Variants in WDR59 observed in about 807,000 individuals in gnomAD.
WDR59 encodes the protein GATOR2 complex protein WDR59.
A neutral mutation model predicts 131.2 loss-of-function variants in WDR59; 100 were observed. The ratio of observed to expected loss-of-function variants is 0.76; its 90% confidence interval spans 0.65 to 0.90. WDR59 has a LOEUF of 0.90. WDR59 is among the 40% of genes least tolerant of loss of function. The probability of loss-of-function intolerance (pLI) is 0.00; values close to 1 mark genes in which losing one functional copy is unlikely to be tolerated. For synonymous variants in WDR59, 601 were observed against 466.2 expected (o/e 1.29, Z -3.72); for missense variants, 1,203 against 1,262.2 (o/e 0.95, Z 0.71).
chr16:74,960,090 G>A (rs951408944), intron 2 of WDR59, among the ~76,000 whole-genome samples: 21 of 152,052 alleles, frequency 1.4e-4, no homozygotes, highest in African/African-American at 5.1e-4. Flanking sequence ...AGCACTTTGG[G>A]AGGCCGAGGC....
intron 2 of WDR59, chr16:74,959,691 A>G: frequency 6.5e-6 from 2 of 309,938 alleles, no homozygotes; most frequent in Non-Finnish European, 1.2e-5. Context: ...CTGAGATGGG[A>G]GGATTGCTTG....
rs546082217 is a variant in WDR59, at chr16:74,959,056, T to C, written c.105-2446A>G. 8.6e-5 allele frequency among the ~76,000 whole-genome samples: 13 copies of C among 151,888 alleles called. No homozygotes were observed. The East Asian group carries it at 1.9e-3, about 23-fold the overall frequency. ...CCCGGGCAACAAAAGCAAAACTCCA[T>C]CTCAACAAAAAAACACTAAGGAGAG... On this transcript the variant is annotated intron_variant, in intron 2 of 25. Transcript: ENST00000262144.
At chr16:74,934,845 T>C (rs2031673220) in intron 8 of WDR59, among the ~76,000 whole-genome samples, 1 of 150,800 alleles carries the variant, frequency 6.6e-6, no homozygotes, top group South Asian at 2.1e-4. Flanking sequence ...TAAAGAAATA[T>C]CAGAAGAGCC....
intron 9 of WDR59, among the ~76,000 whole-genome samples, chr16:74,922,909 G>T (rs921016963): frequency 4.6e-5 from 7 of 152,172 alleles, no homozygotes; most frequent in Non-Finnish European, 1.0e-4. Flanking sequence ...ATGCTCCATG[G>T]TGACAGCCCA....
chr16:74,937,613 T>G (rs182136170), intron 8 of WDR59, among the ~76,000 whole-genome samples: 2 of 152,256 alleles, frequency 1.3e-5, no homozygotes, highest in East Asian at 3.9e-4. Flanking sequence ...GCGATTCTTG[T>G]GTCTCAGCCT....
Position 74,948,485 on chromosome 16 carries a change from G to T in WDR59, c.445+34C>A. The T allele has an allele frequency of 1.9e-6, 3 of 1,603,388 alleles. No homozygotes were observed. The African/African-American group carries it at 4.0e-5, about 21-fold the overall frequency. ...AGGAAGAAAATGAAGACAAACCAAG[G>T]CGCCAGGGTGAGGTGGGAGAAGCAT... On this transcript the variant is annotated intron_variant, in intron 6 of 25. Coordinates refer to ENST00000262144, the MANE Select transcript of WDR59 (RefSeq NM_030581.4).
intron 2 of WDR59, chr16:74,959,393 C>A (rs61262797): frequency 0.066 from 21,500 of 325,186 alleles, 902 homozygotes; most frequent in Middle Eastern, 0.14. Flanking sequence ...AGATGCCAGT[C>A]GCTCTTTAGC....
chr16:74,875,459 C>T (rs144482241), intron 25 of WDR59, among the ~76,000 whole-genome samples: 170 of 152,304 alleles, frequency 1.1e-3, no homozygotes, highest in Middle Eastern at 3.4e-3. Flanking sequence ...TCTGTGTCAT[C>T]TGAGGACATT....
At chr16:74,897,552 G>A (rs1307582780) in intron 18 of WDR59, among the ~76,000 whole-genome samples, 1 of 152,148 alleles carries the variant, frequency 6.6e-6, no homozygotes, top group African/African-American at 2.4e-5. Context: ...GGGACTTCTT[G>A]AGACACCAGG....
chr16:74,967,217 G>A (rs1055052849), intron 1 of WDR59, among the ~76,000 whole-genome samples: 2 of 152,118 alleles, frequency 1.3e-5, no homozygotes, highest in Admixed American at 6.6e-5. Context: ...TCTCACCGGA[G>A]GCTGCAAAGT....
chr16:74,957,081 CTTT>C (rs34834142), intron 2 of WDR59, among the ~76,000 whole-genome samples: 5 of 123,946 alleles, frequency 4.0e-5, no homozygotes, highest in Non-Finnish European at 6.7e-5. Context: ...CTTTTTTTTT[CTTT>C]TTTTTTTTTT....
intron 18 of WDR59, 81 bp downstream of exon 18, chr16:74,903,866 A>G (rs1174492721): frequency 6.7e-6 from 10 of 1,484,578 alleles, no homozygotes; most frequent in Non-Finnish European, 9.1e-6. Flanking sequence ...TTACTAATCT[A>G]GCTGCTGCGC....
At chr16:74,879,533 G>A (rs921744549) in intron 25 of WDR59, among the ~76,000 whole-genome samples, 1 of 152,158 alleles carries the variant, frequency 6.6e-6, no homozygotes, top group Non-Finnish European at 1.5e-5. Flanking sequence ...ACTTAGCAGG[G>A]ACTGAATACA....
chr16:74,984,759 A>C, intron 1 of WDR59: 1 of 656,216 alleles, frequency 1.5e-6, no homozygotes, highest in Non-Finnish European at 2.6e-6. Context: ...GGGAGCCCCG[A>C]AACTCCGTCC....
intron 7 of WDR59, among the ~76,000 whole-genome samples, chr16:74,941,307 C>G (rs2032201531): frequency 6.7e-6 from 1 of 148,626 alleles, no homozygotes; most frequent in African/African-American, 2.5e-5. Context: ...CACTACTACA[C>G]TCCAGTCTGG....
chr16:74,940,208 GTC>G (rs1349478747), intron 7 of WDR59, among the ~76,000 whole-genome samples: 1 of 152,032 alleles, frequency 6.6e-6, no homozygotes, highest in African/African-American at 2.4e-5. Flanking sequence ...GTGAAACCCT[GTC>G]TCTACTAAAA....
intron 3 of WDR59, among the ~76,000 whole-genome samples, chr16:74,954,634 T>G (rs1597790912): frequency 1.3e-5 from 2 of 152,292 alleles, no homozygotes; most frequent in East Asian, 3.9e-4. Context: ...GACCCTGCAA[T>G]TCCACTCTTA....
At chr16:74,952,258 T>C (rs1053475126) in intron 3 of WDR59, among the ~76,000 whole-genome samples, 1 of 151,642 alleles carries the variant, frequency 6.6e-6, no homozygotes, top group South Asian at 2.1e-4. Context: ...CTGGGCAACA[T>C]AGCCAGATCG....
Position 74,917,912 on chromosome 16 carries a change from T to C in WDR59, c.966+17A>G, listed in dbSNP as rs767027903. ...TGGATTCAGGTACATTTCTCCACAA[T>C]AGCACTGCATACATACCCTCTGCAT... On this transcript the variant is annotated intron_variant, in intron 11 of 25. Coordinates refer to ENST00000262144, the MANE Select transcript of WDR59 (RefSeq NM_030581.4). 1.5e-5 allele frequency: 24 copies of C among 1,600,576 alleles called. No homozygotes were observed. Among genetic ancestry groups the C allele is most frequent in the Non-Finnish European group, 2.0e-5 (24 of 1,171,016 alleles).
Sources: gnomAD v4.1 joint callset for allele counts (sites outside exome capture counted in the v4.1 genomes callset) on GRCh38, gnomAD v4.1.1 for gene constraint, MANE v1.5 for transcripts, NCBI Gene and HGNC (gene_info 2026-07-23, HGNC 2026-07-21) for gene names.